The following CSMD3 variants were observed in gnomAD, a reference collection of about 807,000 sequenced individuals.
CSMD3 encodes CUB and Sushi multiple domains 3.
In CSMD3, 177 loss-of-function variants were observed where a neutral mutation model predicts 435.2. That is an observed-to-expected ratio of 0.41 (90% CI 0.36 to 0.46). The LOEUF (loss-of-function observed/expected upper bound fraction) is 0.46, where lower values mean the gene tolerates loss of function less well. Ranked by LOEUF, CSMD3 falls within the 20% of genes least tolerant of loss-of-function variation. CSMD3 has a pLI of 0.34. For missense variants in CSMD3, 4,265 were observed against 4,504.6 expected (o/e 0.95, Z 1.52); for synonymous variants, 1,656 against 1,520.5 (o/e 1.09, Z -2.07).
chr8:112,500,456 C>T lies in CSMD3; in HGVS notation c.5083+3334G>A, dbSNP rs1821826811. On this transcript the variant is annotated intron_variant, in intron 30 of 70. Coordinates refer to ENST00000297405, the MANE Select transcript of CSMD3 (RefSeq NM_198123.2). ...GAAAACATTCAAGAAATAGATGATC[C>T]TATCTTATACAAACTATTCTCGATA... Among the ~76,000 whole-genome samples, 2 of 152,044 alleles carry T rather than the reference C, an allele frequency of 1.3e-5. 1 individual carries two copies. Among genetic ancestry groups the T allele is most frequent in the South Asian group, 4.2e-4 (2 of 4,818 alleles).
chr8:112,972,242 TA>T (rs558841848), intron 7 of CSMD3, among the ~76,000 whole-genome samples: 1 of 151,766 alleles, frequency 6.6e-6, no homozygotes, highest in Non-Finnish European at 1.5e-5. Context: ...GGAATGTGAA[TA>T]AAAAAATTAA....
chr8:112,601,240 T>C (rs1832327901), intron 22 of CSMD3, among the ~76,000 whole-genome samples: 1 of 152,052 alleles, frequency 6.6e-6, no homozygotes, highest in Non-Finnish European at 1.5e-5. Context: ...CAATAGCTAG[T>C]AGTAGTTGTG....
At chr8:112,396,911 T>C (rs1830902739) in intron 35 of CSMD3, among the ~76,000 whole-genome samples, 1 of 152,168 alleles carries the variant, frequency 6.6e-6, no homozygotes, top group Non-Finnish European at 1.5e-5. Flanking sequence ...TGAAATGATG[T>C]AGTGAGATAA....
chr8:113,277,381 AT>A (rs1429578931), intron 3 of CSMD3, among the ~76,000 whole-genome samples: 3 of 152,026 alleles, frequency 2.0e-5, no homozygotes, highest in Admixed American at 6.6e-5. Context: ...GTAGAAAATA[AT>A]GTTCAAAACT....
At chr8:113,036,343 G>A (rs1403557298) in intron 5 of CSMD3, among the ~76,000 whole-genome samples, 1 of 151,862 alleles carries the variant, frequency 6.6e-6, no homozygotes, top group African/African-American at 2.4e-5. Flanking sequence ...GAATACTTAT[G>A]AATTTAAAAT....
chr8:112,269,887 C>T (rs754547901), intron 59 of CSMD3, among the ~76,000 whole-genome samples: 1 of 152,086 alleles, frequency 6.6e-6, no homozygotes, highest in Non-Finnish European at 1.5e-5. Context: ...TCAAAGTGTG[C>T]ATAACATTTT....
At chr8:112,622,305 A>AC (rs1431618617) in intron 22 of CSMD3, among the ~76,000 whole-genome samples, 1 of 151,666 alleles carries the variant, frequency 6.6e-6, no homozygotes, top group East Asian at 1.9e-4. Context: ...GGGTATTAGA[A>AC]CCCCTTCCTA....
intron 59 of CSMD3, among the ~76,000 whole-genome samples, chr8:112,275,631 T>G (rs1406967588): frequency 6.6e-6 from 1 of 151,852 alleles, no homozygotes; most frequent in Non-Finnish European, 1.5e-5. Context: ...TGGCAGAAGG[T>G]GGAAGGCACA....
At chr8:112,662,534 A>G (rs2075411596) in intron 17 of CSMD3, among the ~76,000 whole-genome samples, 2 of 152,230 alleles carry the variant, frequency 1.3e-5, no homozygotes. Context: ...AAGATGGATT[A>G]AAGACTTAAA....
intron 13 of CSMD3, among the ~76,000 whole-genome samples, chr8:112,795,827 T>C (rs1216163836): frequency 1.3e-5 from 2 of 152,094 alleles, no homozygotes; most frequent in African/African-American, 4.8e-5. Context: ...TAATTAAAAT[T>C]AACAAAAGCA....
intron 16 of CSMD3, among the ~76,000 whole-genome samples, chr8:112,669,426 T>A (rs1940472788): frequency 6.6e-6 from 1 of 152,308 alleles, no homozygotes; most frequent in African/African-American, 2.4e-5. Flanking sequence ...TTATCCAAAC[T>A]TAACAATGTT....
intron 38 of CSMD3, among the ~76,000 whole-genome samples, chr8:112,373,054 G>C (rs1828591088): frequency 6.8e-6 from 1 of 147,100 alleles, no homozygotes; most frequent in Admixed American, 6.8e-5. Flanking sequence ...AAATCAGATG[G>C]CGAAAACACT....
chr8:112,503,746 C>T (rs1406684500), intron 30 of CSMD3, 44 bp downstream of exon 30: 36 of 1,393,862 alleles, frequency 2.6e-5, no homozygotes, highest in Non-Finnish European at 3.5e-5. Flanking sequence ...TATAAAATAT[C>T]TATAATTTAA....
At chr8:113,315,109 T>A (rs910389181) in intron 1 of CSMD3, among the ~76,000 whole-genome samples, 2 of 152,184 alleles carry the variant, frequency 1.3e-5, no homozygotes, top group African/African-American at 4.8e-5. Context: ...TAGAACACGG[T>A]ATCTTTCTTC....
intron 10 of CSMD3, among the ~76,000 whole-genome samples, chr8:112,864,443 G>C (rs1370903799): frequency 6.6e-6 from 1 of 151,842 alleles, no homozygotes; most frequent in Non-Finnish European, 1.5e-5. Flanking sequence ...TAGAGATGAG[G>C]TTTCACCATG....
At position 112,306,168 on chromosome 8, in the gene CSMD3, G is replaced by T. The variant is rs570368138; in HGVS notation, c.7910C>A (p.Ala2637Asp). 2 of 1,613,412 alleles carry T rather than the reference G, an allele frequency of 1.2e-6. No homozygotes were observed. The highest frequency in any genetic ancestry group is 2.7e-5 in the African/African-American group (2 of 75,000). Reference protein sequence around the residue: ...CQAISCGIPKAPTNGGILTTD... With the variant: ...CQAISCGIPKDPTNGGILTTD... Reference sequence around the variant, plus strand: ...TGTTAGTATTCCTCCATTTGTTGGAGCTTTAGGAATCCCACAGGAAATTGC... The same window carrying T: ...TGTTAGTATTCCTCCATTTGTTGGATCTTTAGGAATCCCACAGGAAATTGC... The change falls in exon 51 of 71, where the codon GCT becomes GAT. Residue 2637 changes from alanine to aspartate, a missense_variant. Physicochemically the swap from Ala to Asp is moderately radical, Grantham distance 126. Around this residue, in one of 3 missense-constraint regions of CSMD3, gnomAD observed 3,255 missense variants for 3,380.2 expected, o/e 0.96. Transcript: ENST00000297405.
intron 13 of CSMD3, among the ~76,000 whole-genome samples, chr8:112,696,319 A>C (rs9650046): frequency 1.3e-5 from 2 of 151,834 alleles, no homozygotes; most frequent in Non-Finnish European, 2.9e-5. Flanking sequence ...ACCTGACTTC[A>C]AACTATACTA....
chr8:112,685,866 G>T, intron 14 of CSMD3, 134 bp from the exon 15 acceptor site: 1 of 663,870 alleles, frequency 1.5e-6, no homozygotes, highest in Non-Finnish European at 2.5e-6. Flanking sequence ...TTATAAAACA[G>T]AACAAAACGG....
chr8:113,398,333 T>C (rs1435734350), intron 1 of CSMD3, among the ~76,000 whole-genome samples: 1 of 152,230 alleles, frequency 6.6e-6, no homozygotes, highest in Non-Finnish European at 1.5e-5. Context: ...AAATGACACC[T>C]CACAGGTGTA....
Sources: allele counts gnomAD v4.1 joint callset (sites outside exome capture counted in the v4.1 genomes callset), GRCh38; gene constraint gnomAD v4.1.1; regional missense constraint gnomAD v4.1.1; transcripts MANE v1.5; gene names NCBI Gene and HGNC (gene_info 2026-07-23, HGNC 2026-07-21).